Variants in ANKS1B observed in about 807,000 individuals in gnomAD.
ANKS1B encodes ankyrin repeat and sterile alpha motif domain containing 1B, also known as ankyrin repeat and sterile alpha motif domain-containing protein 1B.
In ANKS1B, 36 loss-of-function variants were observed where a neutral mutation model predicts 148.3. The observed-to-expected ratio is 0.24, with a 90% CI of 0.19 to 0.32. ANKS1B has a LOEUF of 0.32. ANKS1B is among the 10% of genes least tolerant of loss of function. The probability of loss-of-function intolerance (pLI) is 1.00; values close to 1 mark genes in which losing one functional copy is unlikely to be tolerated. For missense variants in ANKS1B, 1,157 were observed against 1,542.6 expected (o/e 0.75, Z 4.19); for synonymous variants, 542 against 560.8 (o/e 0.97, Z 0.47).
chr12:99,061,761 C>T (rs1035091056), intron 16 of ANKS1B, among the ~76,000 whole-genome samples: 2 of 152,088 alleles, frequency 1.3e-5, no homozygotes, highest in Non-Finnish European at 2.9e-5. Context: ...TTAAATGAAG[C>T]CTGTACTTCC....
At chr12:98,973,651 G>C (rs1597836614) in intron 17 of ANKS1B, among the ~76,000 whole-genome samples, 1 of 152,042 alleles carries the variant, frequency 6.6e-6, no homozygotes, top group African/African-American at 2.4e-5. Flanking sequence ...CAGCCTTCTT[G>C]GTTGTCAGAT....
At chr12:99,446,664 A>G (rs1191355510) in intron 10 of ANKS1B, among the ~76,000 whole-genome samples, 3 of 152,108 alleles carry the variant, frequency 2.0e-5, no homozygotes, top group Non-Finnish European at 4.4e-5. Context: ...TCATAGAAAC[A>G]TAGCCTGAAG....
Position 99,246,595 on chromosome 12 carries a change from T to C in ANKS1B, c.2026A>G (p.Lys676Glu), listed in dbSNP as rs758320315. Residue 676 changes from lysine (K) to glutamate (E), a missense_variant, in exon 13 of 27, where the codon AAA (lysine) becomes GAA (glutamate). By Grantham distance (56) the Lys-to-Glu change is moderately conservative. This residue lies in a region of ANKS1B where 661 missense variants were observed against 642.1 expected (regional missense o/e 1.03). Coordinates refer to ENST00000683438, the MANE Select transcript of ANKS1B (RefSeq NM_001352186.2). ...PKVVSRTIFH[K>E]KSNQLENHTI... ...TGGTTTTCGAGTTGGTTGCTTTTTT[T>C]GTGAAAAATTGTTCTACTGACCACT... 1.9e-6 allele frequency: 3 copies of C among 1,613,380 alleles called. No homozygotes were observed. In the South Asian group the frequency reaches 3.3e-5, roughly 18 times the overall value.
At chr12:99,349,197 GA>G (rs1448882346) in intron 12 of ANKS1B, among the ~76,000 whole-genome samples, 3 of 151,730 alleles carry the variant, frequency 2.0e-5, no homozygotes, top group African/African-American at 7.3e-5. Context: ...AAGTAAATGA[GA>G]AGGGAACCAA....
intron 12 of ANKS1B, among the ~76,000 whole-genome samples, chr12:99,338,651 G>A (rs2089386118): frequency 6.6e-6 from 1 of 152,174 alleles, no homozygotes; most frequent in South Asian, 2.1e-4. Flanking sequence ...AAGCCAGCAT[G>A]TCTCTGAGTC....
At chr12:99,564,961 T>C (rs146791566) in intron 9 of ANKS1B, among the ~76,000 whole-genome samples, 1 of 152,250 alleles carries the variant, frequency 6.6e-6, no homozygotes, top group African/African-American at 2.4e-5. Flanking sequence ...TTAAAGAAGG[T>C]GTGCAGTGAG....
At chr12:99,577,485 G>C (rs1336890456) in intron 9 of ANKS1B, among the ~76,000 whole-genome samples, 2 of 151,268 alleles carry the variant, frequency 1.3e-5, no homozygotes, top group Non-Finnish European at 3.0e-5. Flanking sequence ...CTGCTGGATA[G>C]ATTAATTAAA....
intron 12 of ANKS1B, among the ~76,000 whole-genome samples, chr12:99,290,285 GA>G (rs796594786): frequency 0.025 from 2,258 of 88,882 alleles, 53 homozygotes; most frequent in African/African-American, 0.062. Flanking sequence ...AAGTCTCCCA[GA>G]AAAAAAAAAA....
chr12:99,697,138 A>C (rs2054056854), intron 8 of ANKS1B, among the ~76,000 whole-genome samples: 1 of 152,194 alleles, frequency 6.6e-6, no homozygotes, highest in African/African-American at 2.4e-5. Flanking sequence ...TGGAAGTGCA[A>C]AATGGTACAG....
chr12:99,085,824 G>A (rs948554014), intron 15 of ANKS1B, among the ~76,000 whole-genome samples: 6 of 152,194 alleles, frequency 3.9e-5, no homozygotes, highest in East Asian at 1.9e-4. Flanking sequence ...GAGAACACAC[G>A]GACGTAGAGG....
intron 1 of ANKS1B, among the ~76,000 whole-genome samples, chr12:99,941,640 AATCTGTC>A (rs2094921943): frequency 6.6e-6 from 1 of 152,168 alleles, no homozygotes; most frequent in Admixed American, 6.6e-5. Flanking sequence ...GTTGAGAGTC[AATCTGTC>A]ATCTCAATAA....
At chr12:99,105,921 G>A (rs907540920) in intron 15 of ANKS1B, among the ~76,000 whole-genome samples, 1 of 152,180 alleles carries the variant, frequency 6.6e-6, no homozygotes, top group Non-Finnish European at 1.5e-5. Context: ...AGAACTGGCA[G>A]TGACCTGATT....
In ANKS1B at chr12:99,848,799, G is replaced by A. The variant is rs76969424; in HGVS notation, c.135-23410C>T. Among the ~76,000 whole-genome samples the A allele has an allele frequency of 9.8e-3, 1,487 of 151,214 alleles. 25 individuals are homozygous for A. Among genetic ancestry groups the A allele is most frequent in the African/African-American group, 0.034 (1,386 of 40,810 alleles). ...CACAGCCCAATAAAAAATGAGCAAC[G>A]TCAATGGTGGATTGCATTTAAAAAA... On this transcript the variant is annotated intron_variant, in intron 1 of 26. Coordinates refer to ENST00000683438, the MANE Select transcript of ANKS1B (RefSeq NM_001352186.2).
chr12:99,130,681 C>T (rs998164363), intron 15 of ANKS1B, among the ~76,000 whole-genome samples: 13 of 152,106 alleles, frequency 8.5e-5, no homozygotes, highest in Admixed American at 2.6e-4. Context: ...ACATTTTGAA[C>T]GGATTAAGTT....
At chr12:99,175,603 C>T (rs2153837356) in intron 14 of ANKS1B, among the ~76,000 whole-genome samples, 1 of 152,256 alleles carries the variant, frequency 6.6e-6, no homozygotes, top group Non-Finnish European at 1.5e-5. Context: ...TACTGATAAG[C>T]AATCTTTTTT....
Position 99,000,442 on chromosome 12 carries a change from T to C in ANKS1B, c.2778+52715A>G, listed in dbSNP as rs551739640. 7.1e-4 allele frequency among the ~76,000 whole-genome samples: 108 copies of C among 152,200 alleles called. 1 individual carries two copies. Among genetic ancestry groups the C allele is most frequent in the African/African-American group, 2.3e-3 (96 of 41,550 alleles). ...CACCACCATGCCTGGCTAATTTTTG[T>C]ACTTTTAGTAGAGACGGGGTTTCAC... On this transcript the variant is annotated intron_variant, in intron 17 of 26. Transcript: ENST00000683438.
chr12:99,553,848 C>T (rs527877754), intron 9 of ANKS1B, among the ~76,000 whole-genome samples: 50 of 152,284 alleles, frequency 3.3e-4, no homozygotes, highest in African/African-American at 1.1e-3. Context: ...AGTCAGGTGG[C>T]CGAAGACTGT....
At chr12:99,214,155 A>G (rs1214435359) in intron 14 of ANKS1B, among the ~76,000 whole-genome samples, 3 of 152,058 alleles carry the variant, frequency 2.0e-5, no homozygotes, top group Non-Finnish European at 4.4e-5. Flanking sequence ...ATATGTTAGC[A>G]CTCTTTCACT....
intron 9 of ANKS1B, among the ~76,000 whole-genome samples, chr12:99,573,860 C>T (rs141438350): frequency 3.0e-4 from 45 of 152,104 alleles, no homozygotes; most frequent in African/African-American, 1.1e-3. Flanking sequence ...CACCTATTCA[C>T]TGGGTCTAAA....
Sources: allele counts gnomAD v4.1 joint callset (sites outside exome capture counted in the v4.1 genomes callset), GRCh38; gene constraint gnomAD v4.1.1; regional missense constraint gnomAD v4.1.1; transcripts MANE v1.5; gene names NCBI Gene and HGNC (gene_info 2026-07-23, HGNC 2026-07-21).